ARHGEF10L: variants seen among roughly 807,000 people sequenced by gnomAD.
ARHGEF10L encodes Rho guanine nucleotide exchange factor 10 like.
Under a neutral mutation model 141.2 loss-of-function variants are expected in ARHGEF10L, and 69 were observed. The ratio of observed to expected loss-of-function variants is 0.49; its 90% confidence interval spans 0.40 to 0.60. The LOEUF is 0.60. Among genes scored for constraint, ARHGEF10L ranks in the 20% least tolerant of loss-of-function variants. ARHGEF10L has a pLI of 0.00. For synonymous variants in ARHGEF10L, 711 were observed against 718.5 expected (o/e 0.99, Z 0.17); for missense variants, 1,482 against 1,734.3 (o/e 0.85, Z 2.58).
chr1:17,518,148 T>C, the ARHGEF10L span, among the ~76,000 whole-genome samples: 1 of 152,230 alleles, frequency 6.6e-6, no homozygotes, highest in Non-Finnish European at 1.5e-5. Flanking sequence ...TGTATTTCCA[T>C]AAAACTTTAC....
At chr1:17,555,115 A>C (rs2077258621) in intron 1 of ARHGEF10L, among the ~76,000 whole-genome samples, 1 of 152,162 alleles carries the variant, frequency 6.6e-6, no homozygotes, top group South Asian at 2.1e-4. Flanking sequence ...CTTAGCCTCC[A>C]AGTTCCTTTA....
At chr1:17,588,578 G>A (rs941115063) in intron 4 of ARHGEF10L, 99 bp downstream of exon 4, 14 of 1,467,122 alleles carry the variant, frequency 9.5e-6, no homozygotes, top group Non-Finnish European at 1.3e-5. Context: ...GGACCCGACT[G>A]GTCTTTGGCT....
the ARHGEF10L span, among the ~76,000 whole-genome samples, chr1:17,513,610 G>C: frequency 6.6e-5 from 10 of 152,290 alleles, no homozygotes; most frequent in East Asian, 1.9e-3. Context: ...TTCAACCATG[G>C]AGGGCCATAG....
rs372351122 is a variant in ARHGEF10L at position 17,697,703 on chromosome 1, G to A, written c.*323G>A. The A allele has an allele frequency of 3.7e-3, 1,937 of 527,938 alleles. 20 individuals carry two copies. Among genetic ancestry groups the A allele is most frequent in the South Asian group, 0.019 (1,210 of 65,102 alleles). 32.7% of individuals were successfully genotyped at this position (527,938 alleles called of 1,614,324 possible). A position where few individuals can be genotyped will look rare whatever the true frequency, so the allele number is the denominator to read the frequency against. On this transcript the variant is annotated 3_prime_UTR_variant, in exon 29 of 29. Transcript: ENST00000361221. This position sits in a 1 kb window ranked among gnomAD's most constrained non-coding sequence, Gnocchi z 4.8. ...TAGCGGGACTCCAAGGCAGCCACAC[G>A]CCCCTCCTGGAAGGGTGTGTGCGTG...
chr1:17,692,561 C>G (rs2065184270), intron 27 of ARHGEF10L, among the ~76,000 whole-genome samples: 1 of 152,196 alleles, frequency 6.6e-6, no homozygotes, highest in South Asian at 2.1e-4. Flanking sequence ...CTCTGTCGCT[C>G]TGCTCCAAAC....
chr1:17,691,757 G>A (rs757937361), intron 27 of ARHGEF10L, among the ~76,000 whole-genome samples: 1 of 151,826 alleles, frequency 6.6e-6, no homozygotes, highest in Non-Finnish European at 1.5e-5. Context: ...ATAAAATTGA[G>A]CAAGGCAGGT....
chr1:17,693,838 G>A (rs1178900498), intron 27 of ARHGEF10L, among the ~76,000 whole-genome samples: 1 of 152,210 alleles, frequency 6.6e-6, no homozygotes, highest in Non-Finnish European at 1.5e-5. Context: ...CTCTCCCAGA[G>A]GGCAGCAGGA....
At chr1:17,680,187 A>T (rs954108191) in intron 26 of ARHGEF10L, among the ~76,000 whole-genome samples, 3 of 151,824 alleles carry the variant, frequency 2.0e-5, no homozygotes, top group Non-Finnish European at 4.4e-5. Context: ...CACAGTGCCC[A>T]GTCAGGCATT....
At chr1:17,557,271 AG>A (rs1328481305) in intron 1 of ARHGEF10L, among the ~76,000 whole-genome samples, 3 of 149,060 alleles carry the variant, frequency 2.0e-5, no homozygotes, top group Non-Finnish European at 4.5e-5. Flanking sequence ...TGAACCCAGG[AG>A]GGGGAGGTTG....
At position 17,554,137 on chromosome 1, in the gene ARHGEF10L, G is replaced by C. The variant is rs77040647; in HGVS notation, c.-44+14187G>C. On this transcript the variant is annotated intron_variant, in intron 1 of 28. Transcript: ENST00000361221. ...AGCTCTCTGCAAAACCCGTTCTCCCGGGCCCTAGATGCAAAAATCCACCCA... is the reference window on the plus strand; with the variant it reads ...AGCTCTCTGCAAAACCCGTTCTCCCCGGCCCTAGATGCAAAAATCCACCCA... 2.0e-5 allele frequency among the ~76,000 whole-genome samples: 3 copies of C among 152,228 alleles called. No homozygotes were observed. In the East Asian group the frequency reaches 5.8e-4, roughly 29 times the overall value.
At chr1:17,514,534 T>A in the ARHGEF10L span, among the ~76,000 whole-genome samples, 2 of 152,182 alleles carry the variant, frequency 1.3e-5, no homozygotes, top group Admixed American at 1.3e-4. Flanking sequence ...GATCCATCCT[T>A]GGGAGTGGAA....
At chr1:17,610,538 C>G (rs1196106772) in intron 7 of ARHGEF10L, among the ~76,000 whole-genome samples, 1 of 152,222 alleles carries the variant, frequency 6.6e-6, no homozygotes, top group Non-Finnish European at 1.5e-5. Flanking sequence ...GGCTTTTCCT[C>G]TGGTACCCAC....
At chr1:17,620,485 C>CT (rs1388700495) in intron 10 of ARHGEF10L, among the ~76,000 whole-genome samples, 28 of 152,330 alleles carry the variant, frequency 1.8e-4, no homozygotes, top group Non-Finnish European at 3.1e-4. Context: ...TCCTTGTGCT[C>CT]TGCTCTGGGT....
At chr1:17,585,997 C>T (rs2078992962) in intron 2 of ARHGEF10L, among the ~76,000 whole-genome samples, 1 of 152,220 alleles carries the variant, frequency 6.6e-6, no homozygotes, top group African/African-American at 2.4e-5. Flanking sequence ...TGATTTTACC[C>T]TCCAGGGGGA....
the ARHGEF10L span, among the ~76,000 whole-genome samples, chr1:17,524,960 G>C: frequency 1.3e-5 from 2 of 152,158 alleles, no homozygotes; most frequent in African/African-American, 4.8e-5. Flanking sequence ...CCCTGCTCAG[G>C]CCTGCTCCCA....
At chr1:17,587,666 T>A in intron 3 of ARHGEF10L, 21 bp downstream of exon 3, 1 of 1,594,724 alleles carries the variant, frequency 6.3e-7, no homozygotes, top group Non-Finnish European at 8.6e-7. Context: ...TCTGGGAACT[T>A]CCGGTCCTGG....
chr1:17,618,433 T>A lies in ARHGEF10L; in HGVS notation c.836-906T>A, dbSNP rs760833318. 6 of 1,526,050 alleles carry A rather than the reference T, an allele frequency of 3.9e-6. No homozygotes were observed. In the South Asian group the frequency reaches 7.5e-5, roughly 19 times the overall value. The allele number at this position is 1,526,050 out of a possible 1,614,324, so 94.5% of individuals were successfully genotyped here. A position where few individuals can be genotyped will look rare whatever the true frequency, so the allele number is the denominator to read the frequency against. On this transcript the variant is annotated intron_variant, in intron 9 of 28. Transcript: ENST00000361221. ...GTGCGGAGTGATGCCCGGGGCGTGATGTGGGCCCGGCAGGAGGGTCTGCAC... is the reference window on the plus strand; with the variant it reads ...GTGCGGAGTGATGCCCGGGGCGTGAAGTGGGCCCGGCAGGAGGGTCTGCAC...
At position 17,696,915 on chromosome 1, in the gene ARHGEF10L, C is replaced by A; in HGVS notation, c.3375C>A (p.Ile1125=). ...PVAFLAVATS[I]LAPDILRSDQ... Reference sequence around the variant, plus strand: ...CCTTCCTGGCTGTGGCTACCAGCATCCTGGCCCCTGACATCCTGCGGAGTG... The same window carrying A: ...CCTTCCTGGCTGTGGCTACCAGCATACTGGCCCCTGACATCCTGCGGAGTG... The change falls in exon 29 of 29, where the codon ATC becomes ATA. Residue 1125 remains isoleucine, a synonymous_variant. Coordinates refer to ENST00000361221, the MANE Select transcript of ARHGEF10L (RefSeq NM_018125.4). 1 of 1,609,448 alleles carries A rather than the reference C, an allele frequency of 6.2e-7. No homozygotes were observed. The highest frequency in any genetic ancestry group is 8.5e-7 in the Non-Finnish European group (1 of 1,177,750).
chr1:17,613,645 A>G (rs1313166892), intron 8 of ARHGEF10L, among the ~76,000 whole-genome samples: 1 of 152,242 alleles, frequency 6.6e-6, no homozygotes, highest in Non-Finnish European at 1.5e-5. Flanking sequence ...ATCTCTCCAC[A>G]CTATTCAGAG....
Sources: gnomAD v4.1 joint callset for allele counts (sites outside exome capture counted in the v4.1 genomes callset) on GRCh38, gnomAD v4.1.1 for gene constraint, Gnocchi (gnomAD v3.1) non-coding constraint, MANE v1.5 for transcripts, NCBI Gene and HGNC (gene_info 2026-07-23, HGNC 2026-07-21) for gene names.